KAZN: variants seen among roughly 807,000 people sequenced by gnomAD.
The protein encoded by KAZN is kazrin.
Under a neutral mutation model 87.4 loss-of-function variants are expected in KAZN, and 40 were observed. The observed-to-expected ratio is 0.46, with a 90% CI of 0.36 to 0.60. KAZN has a LOEUF of 0.60. KAZN is among the 20% of genes least tolerant of loss of function. The pLI is 0.00. For missense variants in KAZN, 898 were observed against 1,073.9 expected (o/e 0.84, Z 2.29); for synonymous variants, 466 against 458.3 (o/e 1.02, Z -0.22).
At chr1:14,216,956 G>A (rs1187025399) in intron 2 of KAZN, among the ~76,000 whole-genome samples, 1 of 152,134 alleles carries the variant, frequency 6.6e-6, no homozygotes, top group Non-Finnish European at 1.5e-5. Flanking sequence ...ATGGGCAACA[G>A]GAAAAGATCA....
intron 2 of KAZN, among the ~76,000 whole-genome samples, chr1:14,187,243 T>C (rs923675554): frequency 6.6e-6 from 1 of 151,916 alleles, no homozygotes; most frequent in Non-Finnish European, 1.5e-5. Flanking sequence ...AGAAAGGGGG[T>C]ATGTAATTTT....
At chr1:14,268,042 T>A (rs1363280011) in intron 2 of KAZN, among the ~76,000 whole-genome samples, 4 of 152,180 alleles carry the variant, frequency 2.6e-5, no homozygotes, top group Non-Finnish European at 4.4e-5. Context: ...TGGCCAACAA[T>A]TTTTTGAGCC....
At chr1:14,403,996 G>C (rs1663632118) in intron 2 of KAZN, among the ~76,000 whole-genome samples, 1 of 152,156 alleles carries the variant, frequency 6.6e-6, no homozygotes, top group African/African-American at 2.4e-5. Flanking sequence ...GTTTTATAGA[G>C]GAACTTGAGG....
At chr1:14,819,629 G>C (rs1372880356) in intron 1 of KAZN, among the ~76,000 whole-genome samples, 3 of 150,968 alleles carry the variant, frequency 2.0e-5, no homozygotes, top group Middle Eastern at 3.4e-3. Flanking sequence ...AATCCTGCCT[G>C]CATTTCCAGC....
intron 2 of KAZN, among the ~76,000 whole-genome samples, chr1:14,270,265 G>T (rs1404513662): frequency 6.6e-6 from 1 of 152,204 alleles, no homozygotes; most frequent in Non-Finnish European, 1.5e-5. Flanking sequence ...AGTGGGGCCA[G>T]CCCCACTAAA....
chr1:14,808,104 A>C (rs916582549), intron 1 of KAZN, among the ~76,000 whole-genome samples: 5 of 152,126 alleles, frequency 3.3e-5, no homozygotes, highest in African/African-American at 1.2e-4. Flanking sequence ...GTTGGCTCCA[A>C]GTGCCAGTTT....
At chr1:14,992,227 A>G (rs1449411789) in intron 2 of KAZN, among the ~76,000 whole-genome samples, 1 of 152,130 alleles carries the variant, frequency 6.6e-6, no homozygotes, top group Non-Finnish European at 1.5e-5. Context: ...CATCTGCAAC[A>G]TGTGACCTCC....
At chr1:15,017,818 C>T (rs1222279135) in intron 2 of KAZN, among the ~76,000 whole-genome samples, 1 of 152,044 alleles carries the variant, frequency 6.6e-6, no homozygotes, top group East Asian at 1.9e-4. Context: ...AAAAAAAAGC[C>T]TTAGAATTCT....
intron 1 of KAZN, among the ~76,000 whole-genome samples, chr1:14,067,400 G>A (rs1356350515): frequency 1.3e-5 from 2 of 152,188 alleles, no homozygotes; most frequent in African/African-American, 2.4e-5. Context: ...AAGCTTTGAA[G>A]TTATTTCATG....
intron 2 of KAZN, among the ~76,000 whole-genome samples, chr1:14,980,858 G>T (rs1213425646): frequency 1.3e-5 from 2 of 152,104 alleles, no homozygotes; most frequent in African/African-American, 4.8e-5. Flanking sequence ...GAGGAAAAAT[G>T]AGGGAGGCAG....
intron 1 of KAZN, among the ~76,000 whole-genome samples, chr1:14,694,691 T>C (rs1227646177): frequency 6.6e-6 from 1 of 152,228 alleles, no homozygotes; most frequent in African/African-American, 2.4e-5. Context: ...ACTTATAGGC[T>C]GGGCGACTTA....
At chr1:14,082,494 GA>G (rs1435250541) in intron 1 of KAZN, among the ~76,000 whole-genome samples, 1 of 152,086 alleles carries the variant, frequency 6.6e-6, no homozygotes, top group Non-Finnish European at 1.5e-5. Context: ...ACTGCCCGGA[GA>G]TGCAAGTCAA....
At chr1:15,035,206 G>A (rs1454420997) in intron 3 of KAZN, among the ~76,000 whole-genome samples, 2 of 152,188 alleles carry the variant, frequency 1.3e-5, no homozygotes, top group Non-Finnish European at 2.9e-5. Flanking sequence ...GGTGATTGTG[G>A]TGGACCTTTC....
At position 15,112,478 on chromosome 1, in the gene KAZN, C is replaced by G. The variant is rs1258042349; in HGVS notation, c.2100C>G (p.Ala700=). The change falls in exon 14 of 15, where the codon GCC becomes GCG. Residue 700 remains alanine, a synonymous_variant. Transcript: ENST00000376030. ...GTTTTGGAACGCCCCCTGGCAGGGC[C>G]TCCAGCGTCACGCGGGCAGGAAAGG... ...AERFGTPPGR[A]SSVTRAGKEE... is the part of the protein sequence containing the mutation. The G allele has an allele frequency of 6.2e-7, 1 of 1,606,180 alleles. No individual in the cohort carries two copies. The highest frequency in any genetic ancestry group is 1.7e-5 in the Admixed American group (1 of 58,968).
intron 1 of KAZN, among the ~76,000 whole-genome samples, chr1:14,743,294 G>A (rs568082617): frequency 1.4e-4 from 21 of 152,220 alleles, no homozygotes; most frequent in Middle Eastern, 6.8e-3. Context: ...GCCGGGCGTG[G>A]TGACACGTGC....
At chr1:14,597,141 C>T (rs1017356027), upstream of KAZN, among the ~76,000 whole-genome samples, 3 of 152,194 alleles carry the variant, frequency 2.0e-5, no homozygotes, top group Admixed American at 1.3e-4. Flanking sequence ...ATACACTAAG[C>T]AGTTCTAAGT....
chr1:14,080,847 C>G (rs1323663670), intron 1 of KAZN, among the ~76,000 whole-genome samples: 1 of 152,154 alleles, frequency 6.6e-6, no homozygotes, highest in Non-Finnish European at 1.5e-5. Context: ...TTTGACCCCC[C>G]CAGGGAAGTT....
At chr1:13,955,661 G>C (rs1243859383) in intron 1 of KAZN, among the ~76,000 whole-genome samples, 1 of 152,166 alleles carries the variant, frequency 6.6e-6, no homozygotes, top group Non-Finnish European at 1.5e-5. Context: ...AGGTGTGTGA[G>C]CCTTAAAGCC....
chr1:14,365,928 C>T (rs897164975), intron 2 of KAZN, among the ~76,000 whole-genome samples: 4 of 152,188 alleles, frequency 2.6e-5, no homozygotes, highest in Non-Finnish European at 4.4e-5. Context: ...TCGCCTTGCC[C>T]AGCAGATCTT....
Sources: allele counts gnomAD v4.1 joint callset (sites outside exome capture counted in the v4.1 genomes callset), GRCh38; gene constraint gnomAD v4.1.1; transcripts MANE v1.5; gene names NCBI Gene and HGNC (gene_info 2026-07-23, HGNC 2026-07-21).